Variants in CSMD1 observed in about 807,000 individuals in gnomAD.
CSMD1 encodes the protein CUB and sushi domain-containing protein 1.
Under a neutral mutation model 417.5 loss-of-function variants are expected in CSMD1, and 213 were observed. The observed-to-expected ratio is 0.51, with a 90% CI of 0.46 to 0.57. CSMD1 has a LOEUF of 0.57. Ranked by LOEUF, CSMD1 falls within the 20% of genes least tolerant of loss-of-function variation. The pLI is 0.00. For missense variants in CSMD1, 6,923 were observed against 4,529.7 expected (o/e 1.53, Z -15.17); for synonymous variants, 2,862 against 1,736.8 (o/e 1.65, Z -16.11).
intron 3 of CSMD1, among the ~76,000 whole-genome samples, chr8:4,045,495 G>A (rs940791943): frequency 1.3e-5 from 2 of 152,288 alleles, no homozygotes; most frequent in Admixed American, 6.5e-5. Flanking sequence ...CCCCAGTTGG[G>A]GGAAGACCAG....
intron 49 of CSMD1, 133 bp from the exon 50 acceptor site, chr8:3,052,780 T>TC (rs1491175339): frequency 1.6e-6 from 1 of 630,550 alleles, no homozygotes; most frequent in East Asian, 3.9e-5. Context: ...TCTTTTTTTT[T>TC]CTTTCTTTTT....
chr8:3,215,738 GTGTATAACCC>G (rs1338253574), intron 29 of CSMD1, among the ~76,000 whole-genome samples: 1 of 152,044 alleles, frequency 6.6e-6, no homozygotes, highest in Non-Finnish European at 1.5e-5. Context: ...AAATGAAAAA[GTGTATAACCC>G]TGCAGTCTAC....
chr8:4,304,140 T>C (rs62478626), intron 3 of CSMD1, among the ~76,000 whole-genome samples: 262 of 152,328 alleles, frequency 1.7e-3, no homozygotes, highest in Non-Finnish European at 2.8e-3. Context: ...ATTTGAATTT[T>C]CAAATAAAAC....
rs531446353 is a variant in CSMD1, at chr8:4,585,099, A to G, written c.302+52243T>C. On this transcript the variant is annotated intron_variant, in intron 2 of 69. Coordinates refer to ENST00000635120, the MANE Select transcript of CSMD1 (RefSeq NM_033225.6). ...AAAGACCAAGTGATCAAAAACTGAG[A>G]AAAAAAAAAAAAGTACAATAGAAAG... Among the ~76,000 whole-genome samples the G allele has an allele frequency of 2.7e-3, 154 of 57,872 alleles. 2 individuals carry two copies. Among genetic ancestry groups the G allele is most frequent in the African/African-American group, 3.1e-3 (18 of 5,778 alleles). The allele number at this position is 57,872 out of a possible 152,430, so 38.0% of individuals were successfully genotyped here.
At chr8:4,580,709 G>A (rs1291057629) in intron 2 of CSMD1, among the ~76,000 whole-genome samples, 17 of 152,104 alleles carry the variant, frequency 1.1e-4, no homozygotes, top group Admixed American at 1.1e-3. Context: ...ACAACACCAG[G>A]AAGCCCTTCC....
chr8:2,958,038 C>T (rs554546710), intron 62 of CSMD1, among the ~76,000 whole-genome samples: 64 of 152,288 alleles, frequency 4.2e-4, no homozygotes, highest in African/African-American at 1.0e-3. Context: ...AAAATTTAGA[C>T]GGCTGTTTGG....
At position 4,584,736 on chromosome 8, in the gene CSMD1, G is replaced by A. The variant is rs554720768; in HGVS notation, c.302+52606C>T. Among the ~76,000 whole-genome samples the A allele has an allele frequency of 2.6e-5, 4 of 152,220 alleles. No individual in the cohort carries two copies. The East Asian group carries it at 7.7e-4, about 29-fold the overall frequency. On this transcript the variant is annotated intron_variant, in intron 2 of 69. Transcript: ENST00000635120. ...CTATCTATCCTGACCCTTGCCCTCT[G>A]GGTCCTAATGCCGGCCAGACAAACT...
chr8:3,859,176 G>C (rs1022283760), intron 5 of CSMD1, among the ~76,000 whole-genome samples: 3 of 152,130 alleles, frequency 2.0e-5, no homozygotes, highest in Admixed American at 6.5e-5. Context: ...ACACACAACA[G>C]GCTCTCTAAA....
chr8:4,615,576 G>A (rs1330497333), intron 2 of CSMD1, among the ~76,000 whole-genome samples: 1 of 152,054 alleles, frequency 6.6e-6, no homozygotes, highest in African/African-American at 2.4e-5. Context: ...CATACTATGA[G>A]GATAAACACT....
At chr8:3,185,213 C>A (rs1563122222) in intron 36 of CSMD1, among the ~76,000 whole-genome samples, 1 of 152,144 alleles carries the variant, frequency 6.6e-6, no homozygotes, top group African/African-American at 2.4e-5. Context: ...CGTGCTAACT[C>A]CAGGAAATTA....
chr8:3,461,979 G>A (rs942962692), intron 12 of CSMD1, among the ~76,000 whole-genome samples: 1 of 152,168 alleles, frequency 6.6e-6, no homozygotes, highest in Non-Finnish European at 1.5e-5. Context: ...GGTGAGGTGA[G>A]TGTGTGTTAC....
intron 5 of CSMD1, among the ~76,000 whole-genome samples, chr8:3,797,156 A>ATG (rs1800199456): frequency 6.6e-6 from 1 of 151,982 alleles, no homozygotes; most frequent in Admixed American, 6.6e-5. Flanking sequence ...CAACATAATA[A>ATG]TTGAATTTCA....
At chr8:3,963,550 G>C (rs184174602) in intron 5 of CSMD1, among the ~76,000 whole-genome samples, 1 of 151,840 alleles carries the variant, frequency 6.6e-6, no homozygotes, top group Non-Finnish European at 1.5e-5. Context: ...CATAAAATTC[G>C]TATTTCAATT....
At chr8:4,361,649 T>C (rs1242035848) in intron 3 of CSMD1, among the ~76,000 whole-genome samples, 1 of 152,098 alleles carries the variant, frequency 6.6e-6, no homozygotes, top group Non-Finnish European at 1.5e-5. Flanking sequence ...TGTTTTTCCT[T>C]AAAGAAGTTT....
chr8:4,783,243 C>A (rs933686579), intron 1 of CSMD1, among the ~76,000 whole-genome samples: 1 of 152,186 alleles, frequency 6.6e-6, no homozygotes, highest in African/African-American at 2.4e-5. Context: ...ATCATGATGT[C>A]CACTGTCAGA....
At chr8:3,945,890 G>C (rs143175754) in intron 5 of CSMD1, among the ~76,000 whole-genome samples, 1 of 152,000 alleles carries the variant, frequency 6.6e-6, no homozygotes, top group Non-Finnish European at 1.5e-5. Flanking sequence ...ACATAAGAAC[G>C]TACTGACTAT....
intron 7 of CSMD1, among the ~76,000 whole-genome samples, chr8:3,677,727 T>G (rs1055184095): frequency 6.6e-6 from 1 of 152,160 alleles, no homozygotes; most frequent in Non-Finnish European, 1.5e-5. Flanking sequence ...AGTCTGTCTT[T>G]TGGAAAAAAG....
intron 3 of CSMD1, among the ~76,000 whole-genome samples, chr8:4,228,605 T>TC (rs1433121291): frequency 6.6e-6 from 1 of 150,810 alleles, no homozygotes; most frequent in Non-Finnish European, 1.5e-5. Flanking sequence ...TTTTTTTTTT[T>TC]CCTACCCTCA....
intron 12 of CSMD1, among the ~76,000 whole-genome samples, chr8:3,433,976 G>A (rs552252024): frequency 1.3e-5 from 2 of 152,274 alleles, no homozygotes; most frequent in African/African-American, 4.8e-5. Context: ...GAAGTCTAAC[G>A]ATTTCCTTTT....
Sources: allele counts gnomAD v4.1 joint callset (sites outside exome capture counted in the v4.1 genomes callset), GRCh38; gene constraint gnomAD v4.1.1; transcripts MANE v1.5; gene names NCBI Gene and HGNC (gene_info 2026-07-23, HGNC 2026-07-21).